Variants in CPEB3 observed in about 807,000 individuals in gnomAD.
The protein encoded by CPEB3 is cytoplasmic polyadenylation element-binding protein 3.
In CPEB3, 20 loss-of-function variants were observed where a neutral mutation model predicts 67.2. That is an observed-to-expected ratio of 0.30 (90% confidence interval 0.21 to 0.43). The LOEUF (loss-of-function observed/expected upper bound fraction) is 0.43. Among genes scored for constraint, CPEB3 ranks in the 20% least tolerant of loss-of-function variants. The pLI is 1.00. For missense variants in CPEB3, 746 were observed against 968.6 expected (o/e 0.77, Z 3.05); for synonymous variants, 376 against 393.1 (o/e 0.96, Z 0.51).
chr10:92,228,185 G>C (rs984201705), intron 2 of CPEB3, among the ~76,000 whole-genome samples: 3 of 152,196 alleles, frequency 2.0e-5, no homozygotes, highest in African/African-American at 7.2e-5. Context: ...ACTGCACCCA[G>C]CCTATAATTG....
At position 92,121,360 on chromosome 10, in the gene CPEB3, TAA is replaced by T. The variant is rs986651954; in HGVS notation, c.1454-10168_1454-10167del. Among the ~76,000 whole-genome samples the T allele has an allele frequency of 4.5e-4, 66 of 145,998 alleles. 1 individual carries two copies. The highest frequency in any genetic ancestry group is 1.3e-3 in the African/African-American group (51 of 39,952). ...GGAAATACACACACATATATATATA[TAA>T]AATATATTTTATATATAATATATTA... On this transcript the variant is annotated intron_variant, in intron 6 of 9. Transcript: ENST00000265997.
chr10:92,253,463 C>CAAAA (rs370091703), intron 1 of CPEB3, among the ~76,000 whole-genome samples: 232 of 76,832 alleles, frequency 3.0e-3, no homozygotes, highest in African/African-American at 4.1e-3. Context: ...TGTCTCAAAA[C>CAAAA]AAAAAAAAAA....
At chr10:92,237,382 G>C (rs867793719) in intron 2 of CPEB3, among the ~76,000 whole-genome samples, 2 of 152,176 alleles carry the variant, frequency 1.3e-5, no homozygotes, top group African/African-American at 4.8e-5. Context: ...AGCATCACCA[G>C]GGATGGAAAG....
chr10:92,101,668 A>G (rs908034043), intron 7 of CPEB3, among the ~76,000 whole-genome samples: 22 of 152,272 alleles, frequency 1.4e-4, no homozygotes, highest in African/African-American at 4.6e-4. Context: ...GCACTTTGGG[A>G]GGCCAAGGCA....
chr10:92,210,346 G>A (rs926540899), intron 2 of CPEB3, among the ~76,000 whole-genome samples: 12 of 152,186 alleles, frequency 7.9e-5, no homozygotes, highest in African/African-American at 2.9e-4. Context: ...CCTCAATTCT[G>A]TCTTCATGAA....
chr10:92,258,673 TATA>T (rs1268870756), intron 1 of CPEB3, among the ~76,000 whole-genome samples: 1 of 123,406 alleles, frequency 8.1e-6, no homozygotes, highest in Non-Finnish European at 1.7e-5. Context: ...TATATATATA[TATA>T]TATTTCATGT....
At chr10:92,223,643 G>C (rs562861322) in intron 2 of CPEB3, among the ~76,000 whole-genome samples, 17 of 137,310 alleles carry the variant, frequency 1.2e-4, no homozygotes, top group African/African-American at 4.0e-4. Flanking sequence ...GCACAATCTC[G>C]GATCACCGCA....
intron 1 of CPEB3, among the ~76,000 whole-genome samples, chr10:92,241,423 G>C (rs920899651): frequency 1.3e-5 from 2 of 152,146 alleles, no homozygotes; most frequent in Non-Finnish European, 2.9e-5. Context: ...TGCTGTCTTG[G>C]TCACAAGACT....
intron 9 of CPEB3, among the ~76,000 whole-genome samples, chr10:92,059,042 A>G (rs1842228490): frequency 6.6e-6 from 1 of 152,162 alleles, no homozygotes; most frequent in African/African-American, 2.4e-5. Flanking sequence ...ATACAAATAC[A>G]TGAGTGGGGC....
chr10:92,285,347 T>G (rs1038185883), intron 1 of CPEB3, among the ~76,000 whole-genome samples: 1 of 152,246 alleles, frequency 6.6e-6, no homozygotes, highest in Non-Finnish European at 1.5e-5. Flanking sequence ...CTCAGCTCAC[T>G]GCAACCTCCG....
At chr10:92,189,284 A>G in intron 3 of CPEB3, among the ~76,000 whole-genome samples, 1 of 152,178 alleles carries the variant, frequency 6.6e-6, no homozygotes, top group Non-Finnish European at 1.5e-5. Context: ...AATAATCACT[A>G]CTTATGAAAA....
chr10:92,206,143 C>T (rs77397496), intron 2 of CPEB3, among the ~76,000 whole-genome samples: 1 of 150,860 alleles, frequency 6.6e-6, no homozygotes, highest in Admixed American at 6.6e-5. Flanking sequence ...GCAATCTCGG[C>T]TCACCATAAC....
chr10:92,229,761 C>T (rs756599902), intron 2 of CPEB3, among the ~76,000 whole-genome samples: 7 of 151,882 alleles, frequency 4.6e-5, no homozygotes, highest in African/African-American at 1.2e-4. Context: ...AATACTAGAA[C>T]GGGCCAGGCG....
chr10:92,216,740 G>T, intron 2 of CPEB3: 2 of 1,609,284 alleles, frequency 1.2e-6, no homozygotes, highest in South Asian at 2.2e-5. Context: ...GGAGTACCAG[G>T]AGGCTTACGA....
intron 4 of CPEB3, among the ~76,000 whole-genome samples, chr10:92,176,588 A>G (rs1848229224): frequency 6.6e-6 from 1 of 152,214 alleles, no homozygotes; most frequent in Non-Finnish European, 1.5e-5. Flanking sequence ...CTGCTTTTGT[A>G]CCTATCAAGC....
At chr10:92,235,970 G>A (rs1387915766) in intron 2 of CPEB3, among the ~76,000 whole-genome samples, 1 of 151,994 alleles carries the variant, frequency 6.6e-6, no homozygotes, top group Non-Finnish European at 1.5e-5. Context: ...TGTGGGTTTT[G>A]CCATTACTTT....
chr10:92,193,627 A>AT (rs1031068733), intron 2 of CPEB3, among the ~76,000 whole-genome samples: 5 of 146,036 alleles, frequency 3.4e-5, no homozygotes, highest in Non-Finnish European at 6.1e-5. Flanking sequence ...ATTAAAAAAA[A>AT]TTTTTTTTTA....
intron 6 of CPEB3, among the ~76,000 whole-genome samples, chr10:92,141,213 A>G (rs1846399883): frequency 6.8e-6 from 1 of 146,474 alleles, no homozygotes; most frequent in Admixed American, 7.0e-5. Flanking sequence ...TCACAATAGC[A>G]AAGACTTGGA....
At chr10:92,076,567 T>G (rs1055516868) in intron 9 of CPEB3, among the ~76,000 whole-genome samples, 3 of 151,972 alleles carry the variant, frequency 2.0e-5, no homozygotes, top group Admixed American at 6.6e-5. Context: ...GCCACCATAC[T>G]TGGCTAATTT....
Sources: gnomAD v4.1 joint callset for allele counts (sites outside exome capture counted in the v4.1 genomes callset) on GRCh38, gnomAD v4.1.1 for gene constraint, MANE v1.5 for transcripts, NCBI Gene and HGNC (gene_info 2026-07-23, HGNC 2026-07-21) for gene names.